The following ARMH4 variants were observed in gnomAD, a reference collection of about 807,000 sequenced individuals.
ARMH4 encodes the protein armadillo-like helical domain-containing protein 4.
A neutral mutation model predicts 61.9 loss-of-function variants in ARMH4; 49 were observed. That is an observed-to-expected ratio of 0.79 (90% CI 0.63 to 1.00). The LOEUF is 1.00. Among genes scored for constraint, ARMH4 ranks in the 50% least tolerant of loss-of-function variants. The pLI is 0.00. For synonymous variants in ARMH4, 368 were observed against 341.5 expected (o/e 1.08, Z -0.85); for missense variants, 934 against 930.0 (o/e 1.00, Z -0.06).
At chr14:58,102,574 G>A (rs1319532059) in intron 4 of ARMH4, among the ~76,000 whole-genome samples, 1 of 151,848 alleles carries the variant, frequency 6.6e-6, no homozygotes, top group East Asian at 1.9e-4. Context: ...CACTTTGGGA[G>A]GCCGAGGCGG....
At chr14:58,039,749 C>G (rs1443364725) in intron 5 of ARMH4, among the ~76,000 whole-genome samples, 1 of 152,124 alleles carries the variant, frequency 6.6e-6, no homozygotes, top group Non-Finnish European at 1.5e-5. Flanking sequence ...CCTGAGAGCC[C>G]CTCTGACTCA....
intron 1 of ARMH4, among the ~76,000 whole-genome samples, chr14:58,143,947 T>G (rs1887650768): frequency 6.6e-6 from 1 of 151,860 alleles, no homozygotes; most frequent in South Asian, 2.1e-4. Context: ...CTAATTTTTG[T>G]ATTTTTAGTA....
chr14:58,084,820 A>G (rs1885330995), intron 5 of ARMH4, among the ~76,000 whole-genome samples: 1 of 152,188 alleles, frequency 6.6e-6, no homozygotes, highest in African/African-American at 2.4e-5. Context: ...TTGACCATAT[A>G]GCTATATTTT....
At chr14:58,127,614 C>T (rs947503894) in intron 4 of ARMH4, among the ~76,000 whole-genome samples, 5 of 152,152 alleles carry the variant, frequency 3.3e-5, no homozygotes, top group African/African-American at 1.2e-4. Flanking sequence ...AACATGCATG[C>T]CCACAGAAAG....
intron 6 of ARMH4, among the ~76,000 whole-genome samples, chr14:58,006,092 T>A (rs1882161455): frequency 6.6e-6 from 1 of 152,072 alleles, no homozygotes; most frequent in African/African-American, 2.4e-5. Context: ...TGGACTTGAG[T>A]AAGTACCTCA....
intron 5 of ARMH4, among the ~76,000 whole-genome samples, chr14:58,054,884 AATAAT>A (rs1173504254): frequency 5.9e-5 from 6 of 101,910 alleles, no homozygotes; most frequent in African/African-American, 1.4e-4. Flanking sequence ...AAAAAAAAAA[AATAAT>A]AATAATAATA....
Position 58,005,071 on chromosome 14 carries a change from C to T in ARMH4, c.2233G>A (p.Gly745Ser). 1 of 1,614,000 alleles carries T rather than the reference C, an allele frequency of 6.2e-7. No individual in the cohort carries two copies. The highest frequency in any genetic ancestry group is 8.5e-7 in the Non-Finnish European group (1 of 1,179,934). Residue 745 changes from glycine to serine, a missense_variant, in exon 7 of 8, where the codon GGC (glycine) becomes AGC (serine). Coordinates refer to ENST00000267485, the MANE Select transcript of ARMH4 (RefSeq NM_001001872.4). The part of the protein sequence containing the change: ...IKVMNRRRRN[G>S]FKRHKRKQRE... ...ACCTTTCTTTTATGCCTTTTGAAGC[C>T]ATTTCTCCTTCGGCGATTCATAACC...
chr14:58,019,121 C>T (rs1348275188), intron 5 of ARMH4, among the ~76,000 whole-genome samples: 4 of 151,868 alleles, frequency 2.6e-5, no homozygotes, highest in East Asian at 1.9e-4. Flanking sequence ...GAGGGGGTCA[C>T]GTTGGAGAGA....
intron 5 of ARMH4, among the ~76,000 whole-genome samples, chr14:58,035,021 C>T (rs1013934029): frequency 8.7e-6 from 1 of 114,880 alleles, no homozygotes; most frequent in Admixed American, 8.7e-5. Context: ...CAAGGATACC[C>T]AGGAATTTAA....
chr14:58,131,439 T>A, intron 4 of ARMH4, 73 bp downstream of exon 4: 1 of 1,265,478 alleles, frequency 7.9e-7, no homozygotes, highest in Non-Finnish European at 1.1e-6. Flanking sequence ...CCTACTTAAT[T>A]CTTTTTCAAA....
chr14:58,064,195 T>C (rs1053894706), intron 5 of ARMH4, among the ~76,000 whole-genome samples: 1 of 150,018 alleles, frequency 6.7e-6, no homozygotes, highest in African/African-American at 2.5e-5. Flanking sequence ...TCTCAAAACA[T>C]TATTACCCAC....
intron 5 of ARMH4, among the ~76,000 whole-genome samples, chr14:58,061,831 C>T (rs1280021256): frequency 6.6e-6 from 1 of 152,078 alleles, no homozygotes; most frequent in Non-Finnish European, 1.5e-5. Context: ...TACGAGGCAG[C>T]CTTCAACTTG....
Position 58,133,130 on chromosome 14 carries a change from T to C in ARMH4, c.1581A>G (p.Thr527=), listed in dbSNP as rs372947247. The part of the protein sequence containing the change: ...WEPLATTIST[T]VVPLSFEVTP... Reference sequence around the variant, plus strand: ...TAACTTCAAAAGACAAAGGGACGACTGTAGTTGAAATTGTAGTGGCCAGAG... The same window carrying C: ...TAACTTCAAAAGACAAAGGGACGACCGTAGTTGAAATTGTAGTGGCCAGAG... The change falls in exon 3 of 8, where the codon ACA becomes ACG. Residue 527 remains threonine (T), a synonymous_variant. Transcript: ENST00000267485. 6.8e-6 allele frequency: 11 copies of C among 1,613,996 alleles called. No homozygotes were observed. In the African/African-American group the frequency reaches 1.3e-4, roughly 20 times the overall value.
intron 4 of ARMH4, among the ~76,000 whole-genome samples, chr14:58,099,894 G>A (rs112974958): frequency 0.012 from 1,760 of 152,242 alleles, 37 homozygotes; most frequent in African/African-American, 0.04. Flanking sequence ...ATTTTGCTGT[G>A]CCTCAACCTC....
intron 5 of ARMH4, among the ~76,000 whole-genome samples, chr14:58,073,557 C>T (rs893359186): frequency 7.9e-5 from 12 of 152,144 alleles, no homozygotes; most frequent in African/African-American, 2.9e-4. Context: ...CTCTTAAGCT[C>T]CTCACTTAAT....
intron 2 of ARMH4, among the ~76,000 whole-genome samples, chr14:58,136,164 A>C (rs1467504986): frequency 6.6e-6 from 1 of 152,222 alleles, no homozygotes; most frequent in East Asian, 1.9e-4. Flanking sequence ...AATTAAAAGT[A>C]GTGGCCTTTT....
At chr14:58,054,879 A>AT (rs1231302381) in intron 5 of ARMH4, among the ~76,000 whole-genome samples, 1,818 of 132,136 alleles carry the variant, frequency 0.014, 32 homozygotes, top group Middle Eastern at 0.076. Flanking sequence ...CAAAAAAAAA[A>AT]AAAAAATAAT....
intron 5 of ARMH4, among the ~76,000 whole-genome samples, chr14:58,061,161 C>T (rs1286189682): frequency 6.6e-6 from 1 of 152,192 alleles, no homozygotes; most frequent in African/African-American, 2.4e-5. Flanking sequence ...GAATCCATCC[C>T]TCTCAGCCCT....
At chr14:58,146,498 C>A (rs1463893934) in intron 1 of ARMH4, among the ~76,000 whole-genome samples, 1 of 152,212 alleles carries the variant, frequency 6.6e-6, no homozygotes, top group Non-Finnish European at 1.5e-5. Flanking sequence ...AGCACTTTGT[C>A]TATCATTTGC....
Sources: gnomAD v4.1 joint callset for allele counts (sites outside exome capture counted in the v4.1 genomes callset) on GRCh38, gnomAD v4.1.1 for gene constraint, MANE v1.5 for transcripts, NCBI Gene and HGNC (gene_info 2026-07-23, HGNC 2026-07-21) for gene names.